The following DEAF1 variants were observed in gnomAD, a reference collection of about 807,000 sequenced individuals.
DEAF1 encodes the protein DEAF1 transcription factor.
In DEAF1, 53 loss-of-function variants were observed where a neutral mutation model predicts 58.9. That is an observed-to-expected ratio of 0.90 (90% CI 0.72 to 1.13). The LOEUF is 1.13. Ranked by LOEUF, DEAF1 falls within the 50% of genes most tolerant of loss-of-function variation. The pLI is 0.00. For missense variants in DEAF1, 685 were observed against 791.4 expected (o/e 0.87, Z 1.61); for synonymous variants, 385 against 340.4 (o/e 1.13, Z -1.44).
chr11:650,490 A>G (rs762593728), intron 11 of DEAF1, among the ~76,000 whole-genome samples: 1 of 151,946 alleles, frequency 6.6e-6, no homozygotes, highest in Non-Finnish European at 1.5e-5. Flanking sequence ...CAAAATTAGA[A>G]GTAACAAGAT....
chr11:697,257 A>C (rs542288449), upstream of DEAF1, among the ~76,000 whole-genome samples: 1 of 152,076 alleles, frequency 6.6e-6, no homozygotes, highest in Non-Finnish European at 1.5e-5. Flanking sequence ...CTGTCTCTAA[A>C]AAAACTAAGT....
chr11:706,327 C>G (rs536632429), intron 1 of DEAF1: 9 of 152,250 alleles, frequency 5.9e-5, no homozygotes, highest in African/African-American at 2.2e-4. Context: ...CCCGCCCGGG[C>G]CTCAGTTTAC....
chr11:699,159 G>A (rs561272243), upstream of DEAF1: 14 of 487,912 alleles, frequency 2.9e-5, no homozygotes, highest in African/African-American at 9.6e-5. Flanking sequence ...CCTCTGTCTC[G>A]GCCGCTAGTG....
chr11:678,632 C>G (rs1470204196), intron 9 of DEAF1, 62 bp downstream of exon 9: 2 of 1,610,050 alleles, frequency 1.2e-6, no homozygotes, highest in Non-Finnish European at 1.7e-6. Flanking sequence ...CTTAGGAATT[C>G]TTTCATTGGA....
At chr11:676,612 C>T (rs1381118482) in intron 9 of DEAF1, among the ~76,000 whole-genome samples, 4 of 152,000 alleles carry the variant, frequency 2.6e-5, no homozygotes, top group Non-Finnish European at 4.4e-5. Flanking sequence ...TCAAGTGATT[C>T]GCCTGCCTCA....
At position 695,027 on chromosome 11, in the gene DEAF1, C is replaced by A. The variant is rs1243695617; in HGVS notation, c.21G>T (p.Ala7=). Reference sequence around the variant, plus strand: ...CCTCAGCCAGGCCCAGCTGCTTTGCCGCCGAGTCCGAGTCCTCCATCCGGA... The same window carrying A: ...CCTCAGCCAGGCCCAGCTGCTTTGCAGCCGAGTCCGAGTCCTCCATCCGGA... MEDSDS[A]AKQLGLAEAA... is the part of the protein sequence containing the mutation. The change falls in exon 1 of 12, where the codon GCG becomes GCT. Residue 7 remains alanine, a synonymous_variant. Coordinates refer to ENST00000382409, the MANE Select transcript of DEAF1 (RefSeq NM_021008.4). The A allele has an allele frequency of 1.8e-5, 25 of 1,414,048 alleles. No homozygotes were observed. The highest frequency in any genetic ancestry group is 2.1e-5 in the Non-Finnish European group (23 of 1,081,952). The allele number at this position is 1,414,048 out of a possible 1,614,324, so 87.6% of individuals were successfully genotyped here.
chr11:700,108 C>T (rs774632395), upstream of DEAF1: 5 of 1,585,954 alleles, frequency 3.2e-6, no homozygotes, highest in East Asian at 8.9e-5. Context: ...GCTCCCAAGC[C>T]TGTTGAGCTT....
chr11:677,962 C>CAA (rs34157642), intron 9 of DEAF1, among the ~76,000 whole-genome samples: 55,021 of 139,778 alleles, frequency 0.39, 11,742 homozygotes, highest in East Asian at 0.55. Context: ...CACTCTGTCT[C>CAA]AAAAAAAAAA....
At chr11:668,271 G>A (rs1463448499) in intron 10 of DEAF1, among the ~76,000 whole-genome samples, 2 of 152,160 alleles carry the variant, frequency 1.3e-5, no homozygotes, top group African/African-American at 4.8e-5. Flanking sequence ...TCTTTAGGTT[G>A]AAGAAAAACA....
At chr11:668,877 C>G (rs1191780386) in intron 10 of DEAF1, among the ~76,000 whole-genome samples, 3 of 152,110 alleles carry the variant, frequency 2.0e-5, no homozygotes, top group Non-Finnish European at 4.4e-5. Flanking sequence ...CCAGGCTGGA[C>G]TGCAGTGGTG....
At chr11:648,486 T>C (rs111419860) in intron 11 of DEAF1, among the ~76,000 whole-genome samples, 44,110 of 151,806 alleles carry the variant, frequency 0.29, 7,396 homozygotes, top group African/African-American at 0.47. Flanking sequence ...TGAGCCACCG[T>C]GCCCAGCTGA....
At chr11:679,109 G>C (rs1307058535) in intron 8 of DEAF1, among the ~76,000 whole-genome samples, 1 of 152,132 alleles carries the variant, frequency 6.6e-6, no homozygotes, top group East Asian at 1.9e-4. Context: ...TCAGGAGATA[G>C]AGACCATCCT....
At chr11:700,356 A>G in intron 1 of DEAF1, 2 of 936,260 alleles carry the variant, frequency 2.1e-6, no homozygotes, top group Non-Finnish European at 3.3e-6. Flanking sequence ...GGGAAACCCC[A>G]TCTCTACTAA....
intron 9 of DEAF1, among the ~76,000 whole-genome samples, chr11:676,982 G>A (rs1303463118): frequency 2.0e-5 from 3 of 151,954 alleles, no homozygotes; most frequent in East Asian, 1.9e-4. Context: ...AGGGCACCTG[G>A]GGACAGAGAT....
chr11:669,243 T>C (rs562154213), intron 10 of DEAF1, among the ~76,000 whole-genome samples: 23 of 150,600 alleles, frequency 1.5e-4, no homozygotes, highest in African/African-American at 5.6e-4. Flanking sequence ...TGAGTCACCA[T>C]GCCTGGCCGA....
At chr11:693,301 C>T (rs1860917064) in intron 1 of DEAF1, among the ~76,000 whole-genome samples, 1 of 152,162 alleles carries the variant, frequency 6.6e-6, no homozygotes, top group African/African-American at 2.4e-5. Flanking sequence ...AGTTTAGCGA[C>T]GGACGCCAAC....
intron 7 of DEAF1, among the ~76,000 whole-genome samples, chr11:680,578 C>G (rs184433428): frequency 2.8e-4 from 42 of 152,332 alleles, no homozygotes; most frequent in Admixed American, 6.5e-4. Flanking sequence ...ACGCCGCCCT[C>G]CAGCCCGGCC....
intron 11 of DEAF1, among the ~76,000 whole-genome samples, chr11:645,029 G>A (rs1008155095): frequency 6.6e-6 from 1 of 152,012 alleles, no homozygotes; most frequent in Non-Finnish European, 1.5e-5. Flanking sequence ...TGGGCATGGT[G>A]GCAGGCACCT....
intron 10 of DEAF1, among the ~76,000 whole-genome samples, chr11:663,174 T>C (rs6421973): frequency 0.38 from 57,216 of 152,158 alleles, 12,012 homozygotes; most frequent in East Asian, 0.56. Context: ...TAGTTGAGCA[T>C]GGTGGCTTAC....
Sources: gnomAD v4.1 joint callset for allele counts (sites outside exome capture counted in the v4.1 genomes callset) on GRCh38, gnomAD v4.1.1 for gene constraint, MANE v1.5 for transcripts, NCBI Gene and HGNC (gene_info 2026-07-23, HGNC 2026-07-21) for gene names.